The following CGNL1 variants were observed in gnomAD, a reference collection of about 807,000 sequenced individuals.
The protein encoded by CGNL1 is cingulin like 1.
A neutral mutation model predicts 141.2 loss-of-function variants in CGNL1; 132 were observed. The ratio of observed to expected loss-of-function variants is 0.93; its 90% CI spans 0.81 to 1.08. The LOEUF (loss-of-function observed/expected upper bound fraction) is 1.08, where lower values mean the gene tolerates loss of function less well. CGNL1 is among the 50% of genes least tolerant of loss of function. The probability of loss-of-function intolerance (pLI) is 0.00; values close to 1 mark genes in which losing one functional copy is unlikely to be tolerated. For missense variants in CGNL1, 1,870 were observed against 1,588.6 expected (o/e 1.18, Z -3.01); for synonymous variants, 690 against 622.1 (o/e 1.11, Z -1.63).
chr15:57,406,882 T>C (rs149130725), intron 1 of CGNL1: 1 of 152,376 alleles, frequency 6.6e-6, no homozygotes, highest in African/African-American at 2.4e-5. Context: ...TACCAAATAC[T>C]GGTGCTTACT....
chr15:57,501,343 TC>T (rs1407840547), intron 8 of CGNL1, among the ~76,000 whole-genome samples: 1 of 152,238 alleles, frequency 6.6e-6, no homozygotes, highest in Non-Finnish European at 1.5e-5. Flanking sequence ...AGTGCCTCCC[TC>T]AGCGGGAAGC....
chr15:57,432,953 A>T (rs1489249706), intron 1 of CGNL1, among the ~76,000 whole-genome samples: 3 of 152,228 alleles, frequency 2.0e-5, no homozygotes, highest in African/African-American at 7.2e-5. Flanking sequence ...CTGTAGTAGG[A>T]ATAGCTATTT....
At chr15:57,470,577 C>T (rs2063569829) in intron 8 of CGNL1, among the ~76,000 whole-genome samples, 1 of 152,156 alleles carries the variant, frequency 6.6e-6, no homozygotes, top group Non-Finnish European at 1.5e-5. Context: ...TGCCTAGAGT[C>T]ACTTGCTGTG....
At chr15:57,521,515 TAGAC>T (rs1473054705) in intron 10 of CGNL1, among the ~76,000 whole-genome samples, 1 of 152,222 alleles carries the variant, frequency 6.6e-6, no homozygotes, top group East Asian at 1.9e-4. Context: ...CATACCCAGA[TAGAC>T]AGAAAGTCTC....
chr15:57,400,141 G>A (rs772426994), intron 1 of CGNL1, among the ~76,000 whole-genome samples: 12 of 151,996 alleles, frequency 7.9e-5, no homozygotes, highest in Admixed American at 1.3e-4. Context: ...GTAGAGATGT[G>A]CACCATCATG....
chr15:57,531,835 A>AG (rs756532231), intron 14 of CGNL1, 56 bp downstream of exon 14: 37 of 1,144,924 alleles, frequency 3.2e-5, no homozygotes, highest in Non-Finnish European at 4.6e-5. Flanking sequence ...AAGGAACATG[A>AG]GGGGTTAATC....
intron 13 of CGNL1, 71 bp from the exon 14 acceptor site, chr15:57,531,619 G>T (rs2031955107): frequency 1.0e-6 from 1 of 960,616 alleles, no homozygotes; most frequent in Admixed American, 1.7e-5. Flanking sequence ...TTGTTTCTCT[G>T]TGGGGGAGCC....
intron 8 of CGNL1, among the ~76,000 whole-genome samples, chr15:57,466,202 A>G (rs2063509811): frequency 6.6e-6 from 1 of 152,168 alleles, no homozygotes; most frequent in African/African-American, 2.4e-5. Context: ...ATTTCATAAC[A>G]TGCTTTTTTC....
intron 8 of CGNL1, among the ~76,000 whole-genome samples, chr15:57,470,744 T>A (rs940726121): frequency 2.0e-5 from 3 of 152,180 alleles, no homozygotes; most frequent in African/African-American, 7.2e-5. Context: ...GAGGATCTTA[T>A]GTGGTCTTGT....
At chr15:57,420,589 G>A (rs2062903577) in intron 1 of CGNL1, among the ~76,000 whole-genome samples, 1 of 151,994 alleles carries the variant, frequency 6.6e-6, no homozygotes, top group Non-Finnish European at 1.5e-5. Context: ...TTCCTCTATG[G>A]GAAACAACTT....
At chr15:57,440,810 G>A (rs1280400) in intron 3 of CGNL1, among the ~76,000 whole-genome samples, 92,709 of 152,010 alleles carry the variant, frequency 0.61, 28,573 homozygotes, top group East Asian at 0.73. Flanking sequence ...GAGTTCTTCC[G>A]TGCAATGTGG....
At chr15:57,533,033 A>G (rs1234635083) in intron 14 of CGNL1, among the ~76,000 whole-genome samples, 1 of 152,170 alleles carries the variant, frequency 6.6e-6, no homozygotes, top group Non-Finnish European at 1.5e-5. Flanking sequence ...GCACCTTATG[A>G]GCAGGCAGCC....
chr15:57,428,041 G>A (rs2062999463), intron 1 of CGNL1, among the ~76,000 whole-genome samples: 1 of 152,080 alleles, frequency 6.6e-6, no homozygotes, highest in African/African-American at 2.4e-5. Flanking sequence ...CATTGAGCAT[G>A]CTTTATTAGT....
At chr15:57,426,064 G>T (rs2062969779) in intron 1 of CGNL1, among the ~76,000 whole-genome samples, 1 of 152,082 alleles carries the variant, frequency 6.6e-6, no homozygotes, top group Admixed American at 6.5e-5. Flanking sequence ...TGTGCCCCAG[G>T]CCCTCCTCCT....
chr15:57,504,332 G>A (rs2064070471), intron 8 of CGNL1, among the ~76,000 whole-genome samples: 1 of 152,220 alleles, frequency 6.6e-6, no homozygotes, highest in African/African-American at 2.4e-5. Flanking sequence ...TGGTTGATGG[G>A]CGGCTGAGCC....
intron 8 of CGNL1, among the ~76,000 whole-genome samples, chr15:57,479,720 A>C (rs1239338554): frequency 6.6e-6 from 1 of 152,186 alleles, no homozygotes; most frequent in Non-Finnish European, 1.5e-5. Context: ...GAAACTTCTC[A>C]AGAAACAAAA....
At chr15:57,516,500 GT>G (rs2030809635) in intron 8 of CGNL1, among the ~76,000 whole-genome samples, 1 of 152,158 alleles carries the variant, frequency 6.6e-6, no homozygotes, top group Admixed American at 6.5e-5. Flanking sequence ...AGGCTTTGGG[GT>G]TTCTGTTGCA....
chr15:57,421,966 C>G (rs778306732), intron 1 of CGNL1, among the ~76,000 whole-genome samples: 1 of 152,034 alleles, frequency 6.6e-6, no homozygotes, highest in African/African-American at 2.4e-5. Flanking sequence ...ATTCAGTGTT[C>G]TTGGCTTCTT....
intron 4 of CGNL1, among the ~76,000 whole-genome samples, chr15:57,444,839 C>T (rs184828748): frequency 3.9e-4 from 60 of 152,240 alleles, no homozygotes; most frequent in Admixed American, 2.0e-3. Context: ...GTTTCCATTT[C>T]GGGCTGGGAA....
Sources: gnomAD v4.1 joint callset for allele counts (sites outside exome capture counted in the v4.1 genomes callset) on GRCh38, gnomAD v4.1.1 for gene constraint, MANE v1.5 for transcripts, NCBI Gene and HGNC (gene_info 2026-07-23, HGNC 2026-07-21) for gene names.